The following CSMD3 variants were observed in gnomAD, a reference collection of about 807,000 sequenced individuals.
The protein encoded by CSMD3 is CUB and Sushi multiple domains 3.
Under a neutral mutation model 435.2 loss-of-function variants are expected in CSMD3, and 177 were observed. The ratio of observed to expected loss-of-function variants is 0.41; its 90% CI spans 0.36 to 0.46. The LOEUF (loss-of-function observed/expected upper bound fraction) is 0.46. Among genes scored for constraint, CSMD3 ranks in the 20% least tolerant of loss-of-function variants. The pLI, the probability that CSMD3 is intolerant of heterozygous loss-of-function variation, is 0.34. For missense variants in CSMD3, 4,265 were observed against 4,504.6 expected (o/e 0.95, Z 1.52); for synonymous variants, 1,656 against 1,520.5 (o/e 1.09, Z -2.07).
intron 53 of CSMD3, among the ~76,000 whole-genome samples, chr8:112,296,522 C>G (rs1820293328): frequency 6.6e-6 from 1 of 150,888 alleles, no homozygotes; most frequent in East Asian, 2.0e-4. Context: ...CGCACTCCAG[C>G]CTGGGCAACA....
chr8:113,094,320 T>C (rs1020881610), intron 5 of CSMD3, among the ~76,000 whole-genome samples: 1 of 152,190 alleles, frequency 6.6e-6, no homozygotes, highest in Non-Finnish European at 1.5e-5. Flanking sequence ...AATGGTCTTT[T>C]AATCTTCACT....
chr8:112,968,517 C>T (rs2084512699), intron 7 of CSMD3, among the ~76,000 whole-genome samples: 1 of 151,300 alleles, frequency 6.6e-6, no homozygotes, highest in Non-Finnish European at 1.5e-5. Flanking sequence ...AACTGCTTTG[C>T]ACTGTCTTAT....
rs34697524 is a variant in CSMD3 at position 112,302,213 on chromosome 8, A to ATTT, written c.8267-250_8267-248dup. 3.8e-3 allele frequency among the ~76,000 whole-genome samples: 508 copies of ATTT among 135,064 alleles called. 5 individuals are homozygous for ATTT. The highest frequency in any genetic ancestry group is 0.01 in the African/African-American group (392 of 38,002). 88.6% of individuals were successfully genotyped at this position (135,064 alleles called of 152,430 possible). ...AGAGACATAAAGTTCTTTTTTTTTC[A>ATTT]TTTTTTTTTTTTTTGCATTTTTCGC... is the stretch of plus-strand genomic sequence containing the variant. On this transcript the variant is annotated intron_variant, in intron 52 of 70. Coordinates refer to ENST00000297405, the MANE Select transcript of CSMD3 (RefSeq NM_198123.2).
intron 12 of CSMD3, among the ~76,000 whole-genome samples, chr8:112,802,185 C>T (rs550848981): frequency 6.6e-6 from 1 of 151,934 alleles, no homozygotes; most frequent in Admixed American, 6.6e-5. Context: ...TTCTCTTTAG[C>T]ATTTCTTTTA....
At chr8:112,956,823 T>C (rs980871136) in intron 7 of CSMD3, among the ~76,000 whole-genome samples, 2 of 152,118 alleles carry the variant, frequency 1.3e-5, no homozygotes, top group East Asian at 1.9e-4. Flanking sequence ...TTTTCTCTTT[T>C]ATAAGCATCT....
chr8:112,700,147 T>C (rs2076357146), intron 13 of CSMD3, among the ~76,000 whole-genome samples: 1 of 152,170 alleles, frequency 6.6e-6, no homozygotes, highest in South Asian at 2.1e-4. Flanking sequence ...TGCAACTTGT[T>C]CTCAAATCAT....
At chr8:112,485,652 T>G (rs1820051548) in intron 31 of CSMD3, among the ~76,000 whole-genome samples, 1 of 152,158 alleles carries the variant, frequency 6.6e-6, no homozygotes, top group South Asian at 2.1e-4. Context: ...AACAATATGA[T>G]TTCATTAAAA....
intron 57 of CSMD3, among the ~76,000 whole-genome samples, chr8:112,288,497 T>C (rs1465464815): frequency 1.3e-5 from 2 of 152,070 alleles, no homozygotes; most frequent in South Asian, 2.1e-4. Context: ...ACCATTTCAC[T>C]GCTTTTAACT....
At chr8:112,243,753 T>C (rs1014035758) in intron 65 of CSMD3, among the ~76,000 whole-genome samples, 8 of 152,162 alleles carry the variant, frequency 5.3e-5, no homozygotes, top group Admixed American at 3.9e-4. Context: ...TATGACCTTA[T>C]TTGGAAAGAA....
intron 13 of CSMD3, among the ~76,000 whole-genome samples, chr8:112,783,415 A>AGGGC: frequency 1.2e-5 from 1 of 85,888 alleles, no homozygotes; most frequent in African/African-American, 6.2e-5. Context: ...GGAAGGAAGG[A>AGGGC]GGGAGGGAGG....
intron 36 of CSMD3, among the ~76,000 whole-genome samples, chr8:112,387,450 TG>T (rs1830070052): frequency 7.0e-6 from 1 of 143,440 alleles, no homozygotes; most frequent in African/African-American, 2.5e-5. Flanking sequence ...AAGTTTCAAA[TG>T]TAAGTCATAT....
Position 112,893,117 on chromosome 8 carries a change from AACT to A in CSMD3, c.1633+28507_1633+28509del, listed in dbSNP as rs578218335. 5.6e-4 allele frequency among the ~76,000 whole-genome samples: 85 copies of A among 150,732 alleles called. 1 individual carries two copies. The highest frequency in any genetic ancestry group is 1.8e-3 in the Admixed American group (27 of 15,090). On this transcript the variant is annotated intron_variant, in intron 10 of 70. Transcript: ENST00000297405. ...ACTACAAAACTACTACTACTACTAC[AACT>A]ACTACTACTACTACTACTATCAGCT... is the stretch of plus-strand genomic sequence containing the variant.
intron 10 of CSMD3, among the ~76,000 whole-genome samples, chr8:112,920,882 T>G (rs72682119): frequency 0.05 from 7,586 of 150,606 alleles, 227 homozygotes; most frequent in Non-Finnish European, 0.062. Flanking sequence ...TCAATGAGTT[T>G]TGTCCAGTCA....
At chr8:112,948,791 C>A (rs1453095455) in intron 8 of CSMD3, among the ~76,000 whole-genome samples, 1 of 151,912 alleles carries the variant, frequency 6.6e-6, no homozygotes, top group Non-Finnish European at 1.5e-5. Flanking sequence ...TTGTCCTCCA[C>A]TGTGAACTGA....
chr8:113,199,853 A>G (rs2092699264), intron 3 of CSMD3, among the ~76,000 whole-genome samples: 1 of 151,872 alleles, frequency 6.6e-6, no homozygotes, highest in Admixed American at 6.6e-5. Flanking sequence ...AGGAAAAAGG[A>G]CAGAAGTATC....
In CSMD3 at chr8:112,478,813, C is replaced by T. The variant is rs143464979; in HGVS notation, c.5279-6106G>A. ...GAACTTCTGTTCCTGTTCGCCTGCC[C>T]TTTCCTAATTGATTCTTTCTAAATA... On this transcript the variant is annotated intron_variant, in intron 31 of 70. Coordinates refer to ENST00000297405, the MANE Select transcript of CSMD3 (RefSeq NM_198123.2). 3.4e-3 allele frequency among the ~76,000 whole-genome samples: 518 copies of T among 152,280 alleles called. 3 individuals carry two copies. Among genetic ancestry groups the T allele is most frequent in the African/African-American group, 0.012 (502 of 41,552 alleles).
chr8:112,317,621 G>C (rs1359009697), intron 47 of CSMD3, among the ~76,000 whole-genome samples: 1 of 152,008 alleles, frequency 6.6e-6, no homozygotes, highest in Non-Finnish European at 1.5e-5. Flanking sequence ...ATATGTAAGT[G>C]ATAGACTTCA....
At chr8:112,442,459 G>A (rs1046541459) in intron 32 of CSMD3, among the ~76,000 whole-genome samples, 4 of 152,124 alleles carry the variant, frequency 2.6e-5, no homozygotes, top group Non-Finnish European at 5.9e-5. Context: ...CTAGCTGTAG[G>A]ATCATAGGCA....
intron 1 of CSMD3, among the ~76,000 whole-genome samples, chr8:113,356,184 GC>G (rs1389414289): frequency 6.6e-6 from 1 of 151,826 alleles, no homozygotes; most frequent in Non-Finnish European, 1.5e-5. Flanking sequence ...TTAAAAATCT[GC>G]CTTTCTCCAC....
Sources: allele counts gnomAD v4.1 joint callset (sites outside exome capture counted in the v4.1 genomes callset), GRCh38; gene constraint gnomAD v4.1.1; transcripts MANE v1.5; gene names NCBI Gene and HGNC (gene_info 2026-07-23, HGNC 2026-07-21).